The following CDC123 variants were observed in gnomAD, a reference collection of about 807,000 sequenced individuals.
CDC123 encodes translation initiation factor eIF2 assembly protein.
In CDC123, 37 loss-of-function variants were observed where a neutral mutation model predicts 54.4. That is an observed-to-expected ratio of 0.68 (90% CI 0.52 to 0.89). CDC123 has a LOEUF of 0.89. CDC123 is among the 40% of genes least tolerant of loss of function. The pLI is 0.00. For synonymous variants in CDC123, 144 were observed against 136.8 expected, an observed-to-expected ratio of 1.05 and a Z score of -0.37; for missense variants, 361 against 412.1, an observed-to-expected ratio of 0.88 and a Z score of 1.07.
rs767809354 is a variant in CDC123 at position 12,209,974 on chromosome 10, C to A, written c.154C>A (p.Pro52Thr). Residue 52 changes from proline (P) to threonine (T), a missense_variant, in exon 3 of 13, where the codon CCA becomes ACA. Pro to Thr is a conservative substitution (Grantham distance 38). Coordinates refer to ENST00000281141, the MANE Select transcript of CDC123 (RefSeq NM_006023.3). The part of the protein sequence containing the change: ...GTLVVSGRDD[P>T]PTHSQPDSDD... ...TTGTTTGTGTTTTTTTAGGGATGAT[C>A]CACCAACACATTCTCAGCCAGACAG... 5.0e-6 allele frequency: 8 copies of A among 1,613,920 alleles called. No homozygotes were observed. Among genetic ancestry groups the A allele is most frequent in the Non-Finnish European group, 6.8e-6 (8 of 1,179,968 alleles).
intron 6 of CDC123, 85 bp from the exon 7 acceptor site, chr10:12,230,861 ACT>A (rs1408368720): frequency 8.1e-7 from 1 of 1,227,750 alleles, no homozygotes; most frequent in African/African-American, 1.5e-5. Flanking sequence ...GTAAAACGTT[ACT>A]CTCATGTTAA....
chr10:12,236,080 A>C (rs755106625), intron 8 of CDC123, among the ~76,000 whole-genome samples: 1 of 152,222 alleles, frequency 6.6e-6, no homozygotes, highest in Non-Finnish European at 1.5e-5. Flanking sequence ...AGAAAAATAG[A>C]CTGCTTCTAT....
chr10:12,238,572 A>T, intron 10 of CDC123, 87 bp downstream of exon 10: 1 of 1,485,434 alleles, frequency 6.7e-7, no homozygotes, highest in Non-Finnish European at 9.1e-7. Flanking sequence ...TGTGTGAAGG[A>T]TCCATGCTCA....
rs536055141 is a variant in CDC123, at chr10:12,227,198, T to C, written c.441-3750T>C. ...GCAGGGAGGTTGCAGTGAGCCGAGA[T>C]GGCGGCACTACAGTCCAGCCTCTGC... On this transcript the variant is annotated intron_variant, in intron 6 of 12. Transcript: ENST00000281141. 4.8e-4 allele frequency among the ~76,000 whole-genome samples: 67 copies of C among 140,874 alleles called. 1 individual carries two copies. The highest frequency in any genetic ancestry group is 1.6e-3 in the African/African-American group (60 of 38,418). 92.4% of individuals were successfully genotyped at this position (140,874 alleles called of 152,430 possible). A position where few individuals can be genotyped will look rare whatever the true frequency, so the allele number is the denominator to read the frequency against.
At chr10:12,237,401 T>C (rs545558122) in intron 9 of CDC123, 135 bp downstream of exon 9, 2 of 640,650 alleles carry the variant, frequency 3.1e-6, no homozygotes, top group African/African-American at 3.8e-5. Flanking sequence ...TTATTATTTG[T>C]TATTTTTGAT....
rs185002593 is a variant in CDC123 at position 12,250,211 on chromosome 10, A to G, written c.985-100A>G. On this transcript the variant is annotated intron_variant, in intron 12 of 12. Coordinates refer to ENST00000281141, the MANE Select transcript of CDC123 (RefSeq NM_006023.3). ...AGCATGGTTTTCCATGACAATTTTT[A>G]ATTACATCCTTTGCCAAGACCTCTA... 14 of 675,944 alleles carry G rather than the reference A, an allele frequency of 2.1e-5. No homozygotes were observed. The East Asian group carries it at 4.1e-4, about 20-fold the overall frequency. The allele number at this position is 675,944 out of a possible 1,614,324, so 41.9% of individuals were successfully genotyped here.
chr10:12,235,193 A>C (rs924176824), intron 8 of CDC123, 70 bp downstream of exon 8: 1 of 1,366,728 alleles, frequency 7.3e-7, no homozygotes, highest in African/African-American at 1.4e-5. Flanking sequence ...CTTTTGTTGG[A>C]AGTAAATTTC....
intron 2 of CDC123, among the ~76,000 whole-genome samples, chr10:12,207,550 C>T (rs1361898920): frequency 6.6e-6 from 1 of 152,136 alleles, no homozygotes; most frequent in Non-Finnish European, 1.5e-5. Flanking sequence ...AGGACACACA[C>T]AGATATTTGC....
chr10:12,211,679 G>A (rs1835604054), intron 4 of CDC123, among the ~76,000 whole-genome samples: 2 of 152,226 alleles, frequency 1.3e-5, no homozygotes, highest in African/African-American at 4.8e-5. Context: ...GGTGACACAG[G>A]CAGGGGGAGA....
chr10:12,250,147 G>T, intron 12 of CDC123, 164 bp from the exon 13 acceptor site: 1 of 509,918 alleles, frequency 2.0e-6, no homozygotes, highest in Non-Finnish European at 3.5e-6. Flanking sequence ...AGGATAATTT[G>T]CTCAGGAGTC....
intron 6 of CDC123, among the ~76,000 whole-genome samples, chr10:12,219,460 A>G (rs1835705287): frequency 6.6e-6 from 1 of 152,046 alleles, no homozygotes; most frequent in Non-Finnish European, 1.5e-5. Context: ...GTGCCTGAGC[A>G]AGTATTGTTT....
chr10:12,240,324 G>A (rs1008998579), intron 10 of CDC123, among the ~76,000 whole-genome samples: 5 of 152,106 alleles, frequency 3.3e-5, no homozygotes, highest in East Asian at 1.9e-4. Context: ...GCGTTTTCCC[G>A]TGTCACCTAC....
At chr10:12,210,266 A>T (rs548744096) in intron 3 of CDC123, 24 bp from the exon 4 acceptor site, 2 of 1,613,104 alleles carry the variant, frequency 1.2e-6, no homozygotes, top group South Asian at 1.1e-5. Context: ...TTAATGTTTT[A>T]TTTTTTTCCT....
At chr10:12,212,803 C>T (rs1348283736) in intron 4 of CDC123, among the ~76,000 whole-genome samples, 2 of 152,142 alleles carry the variant, frequency 1.3e-5, no homozygotes, top group African/African-American at 4.8e-5. Flanking sequence ...GTATATGAAA[C>T]GTAAATGACT....
rs748140673 is a variant in CDC123 at position 12,198,690 on chromosome 10, G to T, written c.75-15G>T. 144 of 1,467,318 alleles carry T rather than the reference G, an allele frequency of 9.8e-5. No individual in the cohort carries two copies. The highest frequency in any genetic ancestry group is 1.3e-4 in the Non-Finnish European group (138 of 1,060,748). The allele number at this position is 1,467,318 out of a possible 1,614,324, so 90.9% of individuals were successfully genotyped here. On this transcript the variant is annotated splice_polypyrimidine_tract_variant and intron_variant, in intron 1 of 12. Transcript: ENST00000281141. ...GTCTTTTAAAATGATGCCTTTTTTG[G>T]TGTTTTTTTTTTAGTGTCATTCTTC...
chr10:12,228,891 T>G (rs891118462), intron 6 of CDC123, among the ~76,000 whole-genome samples: 4 of 152,136 alleles, frequency 2.6e-5, no homozygotes, highest in African/African-American at 9.7e-5. Flanking sequence ...ATTTTTGTAT[T>G]TTTTGTAGAG....
intron 2 of CDC123, among the ~76,000 whole-genome samples, chr10:12,207,153 C>T (rs1835533995): frequency 6.6e-6 from 1 of 151,878 alleles, no homozygotes; most frequent in Non-Finnish European, 1.5e-5. Flanking sequence ...TCTGGATCTC[C>T]TATTATTTTG....
chr10:12,250,062 T>A (rs1399095725), intron 12 of CDC123: 2 of 478,328 alleles, frequency 4.2e-6, no homozygotes, highest in East Asian at 6.7e-5. Context: ...TGTGAATATT[T>A]ATATTTTTGT....
intron 2 of CDC123, among the ~76,000 whole-genome samples, chr10:12,206,958 CAA>C (rs35906839): frequency 1.4e-3 from 142 of 100,886 alleles, no homozygotes; most frequent in Middle Eastern, 5.9e-3. Flanking sequence ...GACTCCATCT[CAA>C]AAAAAAAAAA....
Sources: allele counts gnomAD v4.1 joint callset (sites outside exome capture counted in the v4.1 genomes callset), GRCh38; gene constraint gnomAD v4.1.1; transcripts MANE v1.5; gene names NCBI Gene and HGNC (gene_info 2026-07-23, HGNC 2026-07-21).